The following MAEL variants were observed in gnomAD, a reference collection of about 807,000 sequenced individuals.
The protein encoded by MAEL is protein maelstrom homolog.
MAEL carries 46 observed loss-of-function variants against 62.0 expected under a neutral mutation model. The observed-to-expected ratio is 0.74, with a 90% CI of 0.59 to 0.95. The LOEUF (loss-of-function observed/expected upper bound fraction) is 0.95, where lower values mean the gene tolerates loss of function less well. Among genes scored for constraint, MAEL ranks in the 40% least tolerant of loss-of-function variants. MAEL has a pLI of 0.00. For missense variants in MAEL, 497 were observed against 526.8 expected, an observed-to-expected ratio of 0.94 and a Z score of 0.55; for synonymous variants, 172 against 175.5, an observed-to-expected ratio of 0.98 and a Z score of 0.16.
rs139232729 is a variant in MAEL, at chr1:166,983,894, C to T, written c.-120-5507C>T. On this transcript the variant is annotated intron_variant, in intron 1 of 12. Transcript: ENST00000622874. ...GCGCACACCTGTAGTCCCAGCTACT[C>T]GGGAGGCTGAGGTGGGAGGATCACT... 9.5e-3 allele frequency among the ~76,000 whole-genome samples: 1,433 copies of T among 150,694 alleles called. 10 individuals carry two copies. The highest frequency in any genetic ancestry group is 0.014 in the Admixed American group (208 of 15,106).
intron 8 of MAEL, among the ~76,000 whole-genome samples, chr1:167,008,490 G>T (rs1382027892): frequency 1.3e-5 from 2 of 151,836 alleles, no homozygotes; most frequent in East Asian, 3.8e-4. Context: ...TTGTATATTT[G>T]TGCTCTCTCA....
rs79638810 is a variant in MAEL, at chr1:166,976,723, G to A, written c.-121+1057G>A. ...CTGAAAACAGAGTGGTGCCAGGCTG[G>A]AGGGGAGTTCCTGGAGCAGACAGAC... On this transcript the variant is annotated intron_variant, in intron 1 of 12. Coordinates refer to the MAEL transcript ENST00000622874. Among the ~76,000 whole-genome samples, 218 of 152,332 alleles carry A rather than the reference G, an allele frequency of 1.4e-3. 1 individual carries two copies. The highest frequency in any genetic ancestry group is 2.1e-3 in the Non-Finnish European group (143 of 68,028).
intron 10 of MAEL, among the ~76,000 whole-genome samples, chr1:167,019,435 T>C (rs1317635071): frequency 1.3e-5 from 2 of 152,110 alleles, no homozygotes; most frequent in Non-Finnish European, 2.9e-5. Flanking sequence ...CTCACCTTAT[T>C]TGGCTGGTCC....
chr1:167,016,236 A>G lies in MAEL; in HGVS notation c.860A>G (p.Glu287Gly), dbSNP rs1388465938. The G allele has an allele frequency of 6.2e-7, 1 of 1,613,680 alleles. No individual in the cohort carries two copies. Among genetic ancestry groups the G allele is most frequent in the Admixed American group, 1.7e-5 (1 of 59,942 alleles). Residue 287 changes from glutamate (E) to glycine (G), a missense_variant, in exon 9 of 12, where the codon GAA becomes GGA. Physicochemically the swap from Glu to Gly is moderately conservative, Grantham distance 98 (BLOSUM62 -2). Transcript: ENST00000367872. ...TTTTTGTACAGGTGCAAGTGGCATG[A>G]AGAAAATGATATTCTCTTCTGTGCT... ...YSSNTRCKWH[E>G]ENDILFCALA...
chr1:166,993,011 C>T (rs1210322913), intron 4 of MAEL, among the ~76,000 whole-genome samples, 170 bp downstream of exon 4: 2 of 152,012 alleles, frequency 1.3e-5, no homozygotes, highest in Admixed American at 1.3e-4. Flanking sequence ...TAGGTGTTGA[C>T]AAAGGGTTTT....
chr1:166,989,224 T>A (rs1190798006), upstream of MAEL: 1 of 1,256,512 alleles, frequency 8.0e-7, no homozygotes, highest in Non-Finnish European at 1.1e-6. Context: ...CGACTGCGCG[T>A]CGCTTCCTGA....
chr1:167,003,588 T>A (rs749653558), intron 5 of MAEL, among the ~76,000 whole-genome samples: 1 of 152,236 alleles, frequency 6.6e-6, no homozygotes, highest in African/African-American at 2.4e-5. Flanking sequence ...TCTTCTGGAA[T>A]TGGCAAATGA....
intron 8 of MAEL, chr1:167,005,941 T>G (rs1201251196): frequency 5.3e-5 from 8 of 152,344 alleles, no homozygotes; most frequent in Admixed American, 5.2e-4. Context: ...ATGTGTTTCC[T>G]AAGAATAAGA....
chr1:167,018,103 A>G, intron 10 of MAEL, 144 bp downstream of exon 10: 2 of 653,342 alleles, frequency 3.1e-6, no homozygotes, highest in African/African-American at 1.8e-5. Context: ...TGGAATGTCA[A>G]ACAGTTCCTA....
intron 8 of MAEL, among the ~76,000 whole-genome samples, chr1:167,013,933 A>C (rs1002235171): frequency 6.6e-6 from 1 of 152,138 alleles, no homozygotes; most frequent in Non-Finnish European, 1.5e-5. Flanking sequence ...TCTGGGAAGT[A>C]GACTATTCTT....
chr1:166,977,168 C>G (rs1454360673), intron 1 of MAEL, among the ~76,000 whole-genome samples: 1 of 152,228 alleles, frequency 6.6e-6, no homozygotes, highest in Non-Finnish European at 1.5e-5. Flanking sequence ...GTTCTAGCCT[C>G]TCTTCTACAC....
intron 10 of MAEL, among the ~76,000 whole-genome samples, chr1:167,020,245 C>A (rs1311224138): frequency 6.6e-6 from 1 of 152,152 alleles, no homozygotes; most frequent in Non-Finnish European, 1.5e-5. Context: ...CTTCCCAACT[C>A]AGATTCCTTG....
intron 1 of MAEL, among the ~76,000 whole-genome samples, chr1:166,983,369 A>C (rs1663816917): frequency 6.6e-6 from 1 of 151,978 alleles, no homozygotes; most frequent in Non-Finnish European, 1.5e-5. Flanking sequence ...TCCATCCTGG[A>C]TCCTTTTTTT....
chr1:166,985,816 G>A (rs942369730), upstream of MAEL, among the ~76,000 whole-genome samples: 1 of 152,012 alleles, frequency 6.6e-6, no homozygotes, highest in African/African-American at 2.4e-5. Context: ...TAATCCATAA[G>A]AAGAAAAATC....
At chr1:166,983,434 C>T (rs1663818833) in intron 1 of MAEL, among the ~76,000 whole-genome samples, 1 of 151,996 alleles carries the variant, frequency 6.6e-6, no homozygotes, top group African/African-American at 2.4e-5. Context: ...ATTTAAATAC[C>T]ATCTTTATGT....
intron 5 of MAEL, among the ~76,000 whole-genome samples, chr1:167,003,479 T>A (rs1438152045): frequency 7.9e-5 from 12 of 152,160 alleles, no homozygotes; most frequent in Non-Finnish European, 1.2e-4. Context: ...TAATGTTAAC[T>A]TCCTCTGGAA....
chr1:167,000,609 C>A (rs1664621197), intron 5 of MAEL, among the ~76,000 whole-genome samples: 1 of 152,218 alleles, frequency 6.6e-6, no homozygotes, highest in African/African-American at 2.4e-5. Flanking sequence ...AAAAGAAGTT[C>A]TGTGAGTAAA....
intron 8 of MAEL, among the ~76,000 whole-genome samples, chr1:167,012,748 CAA>C (rs1297318834): frequency 1.3e-5 from 2 of 151,910 alleles, no homozygotes; most frequent in African/African-American, 4.8e-5. Flanking sequence ...TGCAGCCATG[CAA>C]AAAATGGTAA....
rs1049292395 is a variant in MAEL, at chr1:166,989,421, G to A, written c.69G>A (p.Arg23=). ...TGCAGGAGAAGATCCCCGAACTACGGCGACGAGGCCTGCCTGTGGCTCGCG... is the reference window on the plus strand; with the variant it reads ...TGCAGGAGAAGATCCCCGAACTACGACGACGAGGCCTGCCTGTGGCTCGCG... ...FFVQEKIPEL[R]RRGLPVARVA... The change falls in exon 1 of 12, where the codon CGG becomes CGA. Residue 23 remains arginine (R), a synonymous_variant. Coordinates refer to ENST00000367872, the MANE Select transcript of MAEL (RefSeq NM_032858.3). 6.2e-7 allele frequency: 1 copy of A among 1,602,908 alleles called. No homozygotes were observed. Among genetic ancestry groups the A allele is most frequent in the Non-Finnish European group, 8.5e-7 (1 of 1,175,042 alleles).
Sources: gnomAD v4.1 joint callset for allele counts (sites outside exome capture counted in the v4.1 genomes callset) on GRCh38, gnomAD v4.1.1 for gene constraint, MANE v1.5 for transcripts, NCBI Gene and HGNC (gene_info 2026-07-23, HGNC 2026-07-21) for gene names.